Variants in ADAP1 observed in about 807,000 individuals in gnomAD.
ADAP1 encodes ArfGAP with dual PH domains 1.
ADAP1 carries 31 observed loss-of-function variants against 54.9 expected under a neutral mutation model. The ratio of observed to expected loss-of-function variants is 0.56; its 90% CI spans 0.42 to 0.76. ADAP1 has a LOEUF of 0.76. Among genes scored for constraint, ADAP1 ranks in the 30% least tolerant of loss-of-function variants. The pLI is 0.00. For missense variants in ADAP1, 535 were observed against 512.4 expected (o/e 1.04, Z -0.42); for synonymous variants, 313 against 202.6 (o/e 1.55, Z -4.63).
chr7:922,134 C>T (rs62430825), intron 3 of ADAP1, among the ~76,000 whole-genome samples: 1,973 of 152,320 alleles, frequency 0.013, 16 homozygotes, highest in Non-Finnish European at 0.022. Flanking sequence ...ACTCCCACAG[C>T]CCTGGAGGGG....
At chr7:899,373 A>G (rs760637469) in intron 9 of ADAP1, 46 bp downstream of exon 9, 5 of 1,609,782 alleles carry the variant, frequency 3.1e-6, no homozygotes, top group Admixed American at 1.7e-5. Context: ...TGGCAACCCC[A>G]GCCAGTGAGC....
intron 4 of ADAP1, among the ~76,000 whole-genome samples, chr7:914,484 G>A (rs566540655): frequency 6.6e-6 from 1 of 152,170 alleles, no homozygotes; most frequent in African/African-American, 2.4e-5. Context: ...TGTGGAGGAG[G>A]CTCTGCCCAC....
At chr7:934,532 A>G (rs1175078717) in intron 2 of ADAP1, among the ~76,000 whole-genome samples, 1 of 152,096 alleles carries the variant, frequency 6.6e-6, no homozygotes, top group Non-Finnish European at 1.5e-5. Context: ...CACTCACAGC[A>G]GTCAGGAAGA....
At chr7:912,149 C>G (rs914986502) in intron 4 of ADAP1, among the ~76,000 whole-genome samples, 2 of 152,140 alleles carry the variant, frequency 1.3e-5, no homozygotes, top group South Asian at 4.1e-4. Context: ...CCCATCCCTG[C>G]CTGGTACCAC....
intron 1 of ADAP1, among the ~76,000 whole-genome samples, chr7:941,315 A>G (rs1319535557): frequency 6.6e-6 from 1 of 152,216 alleles, no homozygotes; most frequent in African/African-American, 2.4e-5. Context: ...TCAGTGCAAT[A>G]AGGCAATATA....
intron 7 of ADAP1, 75 bp downstream of exon 7, chr7:900,458 G>T: frequency 6.9e-7 from 1 of 1,457,308 alleles, no homozygotes; most frequent in African/African-American, 1.4e-5. Context: ...CCAGACTCAG[G>T]GCACGAGGGC....
At chr7:906,795 ACAGGG>A (rs879566204) in intron 4 of ADAP1, among the ~76,000 whole-genome samples, 2,037 of 23,600 alleles carry the variant, frequency 0.086, 247 homozygotes, top group African/African-American at 0.35. Flanking sequence ...GGGGGACGGG[ACAGGG>A]GACATGGGGG....
At chr7:923,903 G>C (rs74829144) in intron 3 of ADAP1, among the ~76,000 whole-genome samples, 3,303 of 152,286 alleles carry the variant, frequency 0.022, 87 homozygotes, top group East Asian at 0.12. Context: ...TCTTGGTGGG[G>C]GCAGACGTGG....
chr7:904,877 G>A (rs1323412618), intron 5 of ADAP1, among the ~76,000 whole-genome samples, 183 bp downstream of exon 5: 1 of 152,244 alleles, frequency 6.6e-6, no homozygotes, highest in African/African-American at 2.4e-5. Context: ...CCCACCCTGG[G>A]GGACGCTGGG....
intron 4 of ADAP1, among the ~76,000 whole-genome samples, chr7:914,372 G>C (rs903968854): frequency 6.6e-6 from 1 of 152,218 alleles, no homozygotes; most frequent in African/African-American, 2.4e-5. Flanking sequence ...AAAGGGCTCT[G>C]GTGGCAAAGC....
chr7:905,715 GGAGAAAGGGAAAGGAGAAAGGGAAA>G (rs2128096501), intron 4 of ADAP1: 2 of 147,306 alleles, frequency 1.4e-5, no homozygotes, highest in African/African-American at 2.6e-5. Flanking sequence ...AAAGGAGAAA[GGAGAAAGGGAAAGGAGAAAGGGAAA>G]GGAGAAGGGA....
In ADAP1 at chr7:928,917, G is replaced by A. The variant is rs548177591; in HGVS notation, c.214-2273C>T. Among the ~76,000 whole-genome samples, 10 of 152,366 alleles carry A rather than the reference G, an allele frequency of 6.6e-5. No homozygotes were observed. In the South Asian group the frequency reaches 8.3e-4, roughly 13 times the overall value. Reference sequence around the variant, plus strand: ...CACATTCTTCGTGACAGCTGAGAACGGGAACAAGCCCCAGCTCCGTGAACG... The same window carrying A: ...CACATTCTTCGTGACAGCTGAGAACAGGAACAAGCCCCAGCTCCGTGAACG... On this transcript the variant is annotated intron_variant, in intron 2 of 10. Coordinates refer to ENST00000265846, the MANE Select transcript of ADAP1 (RefSeq NM_006869.4).
chr7:904,800 C>T (rs1235080296), intron 5 of ADAP1, among the ~76,000 whole-genome samples: 1 of 152,358 alleles, frequency 6.6e-6, no homozygotes, highest in South Asian at 2.1e-4. Context: ...TTCTCCCTCT[C>T]CCACGGCTGG....
intron 2 of ADAP1, among the ~76,000 whole-genome samples, chr7:933,514 AGCCGGGG>A (rs879551337): frequency 0.017 from 1,203 of 69,706 alleles, 8 homozygotes; most frequent in African/African-American, 0.035. Flanking sequence ...GGTGCTGGAG[AGCCGGGG>A]GCCGGGGGCC....
Position 945,807 on chromosome 7 carries a change from G to T in ADAP1, c.82+8589C>A, listed in dbSNP as rs1382712089. 5.1e-6 allele frequency: 5 copies of T among 985,482 alleles called. No homozygotes were observed. The highest frequency in any genetic ancestry group is 1.1e-4 in the East Asian group (1 of 8,828). 61.0% of individuals were successfully genotyped at this position (985,482 alleles called of 1,614,324 possible). ...GTGACTCAGCCGCTCACCATTTCCG[G>T]AGCTGGTCTGGGGCACCTGGGCAGG... On this transcript the variant is annotated intron_variant, in intron 1 of 10. Coordinates refer to ENST00000265846, the MANE Select transcript of ADAP1 (RefSeq NM_006869.4). The surrounding 1 kb of genome is among the most constrained non-coding windows in gnomAD (Gnocchi z 4.2).
intron 5 of ADAP1, among the ~76,000 whole-genome samples, 177 bp downstream of exon 5, chr7:904,883 C>G (rs943775410): frequency 1.3e-5 from 2 of 152,212 alleles, no homozygotes; most frequent in Non-Finnish European, 2.9e-5. Context: ...CTGGGGGACG[C>G]TGGGTCCGGC....
In ADAP1 at chr7:945,045, C is replaced by T. The variant is rs369227540; in HGVS notation, c.82+9351G>A. On this transcript the variant is annotated intron_variant, in intron 1 of 10. Coordinates refer to ENST00000265846, the MANE Select transcript of ADAP1 (RefSeq NM_006869.4). The surrounding 1 kb of genome is among the most constrained non-coding windows in gnomAD (Gnocchi z 4.2). Reference sequence around the variant, plus strand: ...GCTGAAGCTCTGCAGGGTGGGCTCACGTGTGTGTGTGCAGGTGTGTGTGTG... The same window carrying T: ...GCTGAAGCTCTGCAGGGTGGGCTCATGTGTGTGTGTGCAGGTGTGTGTGTG... Among the ~76,000 whole-genome samples the T allele has an allele frequency of 4.6e-5, 7 of 152,148 alleles. No homozygotes were observed. In the East Asian group the frequency reaches 7.7e-4, roughly 17 times the overall value.
rs1280057863 is a variant in ADAP1, at chr7:946,172, G to A, written c.82+8224C>T. Among the ~76,000 whole-genome samples the A allele has an allele frequency of 6.6e-6, 1 of 152,164 alleles. No homozygotes were observed. Among genetic ancestry groups the A allele is most frequent in the African/African-American group, 2.4e-5 (1 of 41,442 alleles). On this transcript the variant is annotated intron_variant, in intron 1 of 10. Transcript: ENST00000265846. The surrounding 1 kb of genome is among the most constrained non-coding windows in gnomAD (Gnocchi z 4.3). The stretch of plus-strand genomic sequence containing the variant: ...GCGCCCCACTCCACGCCGGGACCCA[G>A]GCCCCTCTCCAACTCCACCTCCGTG...
At chr7:907,279 C>T (rs574182288) in intron 4 of ADAP1, among the ~76,000 whole-genome samples, 19 of 152,184 alleles carry the variant, frequency 1.2e-4, no homozygotes, top group African/African-American at 3.9e-4. Flanking sequence ...GTGGTTAGGA[C>T]GCTGCTGTGG....
Sources: gnomAD v4.1 joint callset for allele counts (sites outside exome capture counted in the v4.1 genomes callset) on GRCh38, gnomAD v4.1.1 for gene constraint, Gnocchi (gnomAD v3.1) non-coding constraint, MANE v1.5 for transcripts, NCBI Gene and HGNC (gene_info 2026-07-23, HGNC 2026-07-21) for gene names.